Variants in SLC41A3 observed in about 807,000 individuals in gnomAD.
SLC41A3 encodes SLC41A1-like 2.
Under a neutral mutation model 45.4 loss-of-function variants are expected in SLC41A3, and 44 were observed. The ratio of observed to expected loss-of-function variants is 0.97; its 90% CI spans 0.76 to 1.25. The LOEUF (loss-of-function observed/expected upper bound fraction) is 1.25. Among genes scored for constraint, SLC41A3 ranks in the 50% most tolerant of loss-of-function variants. SLC41A3 has a pLI of 0.00. For missense variants in SLC41A3, 550 were observed against 600.6 expected, an observed-to-expected ratio of 0.92 and a Z score of 0.88; for synonymous variants, 256 against 252.4, an observed-to-expected ratio of 1.01 and a Z score of -0.13.
intron 1 of SLC41A3, among the ~76,000 whole-genome samples, chr3:126,082,452 C>T (rs1331480753): frequency 1.3e-5 from 2 of 152,178 alleles, no homozygotes; most frequent in Non-Finnish European, 2.9e-5. Context: ...GTGTGGAGGC[C>T]GAGAAACCCT....
chr3:126,010,523 G>T (rs549404481), intron 9 of SLC41A3, among the ~76,000 whole-genome samples: 3 of 152,216 alleles, frequency 2.0e-5, no homozygotes, highest in Non-Finnish European at 4.4e-5. Context: ...GGCCAGGAAA[G>T]GGGAAGCCCG....
chr3:126,081,120 A>G (rs940645772), intron 1 of SLC41A3, among the ~76,000 whole-genome samples: 1 of 152,250 alleles, frequency 6.6e-6, no homozygotes, highest in Non-Finnish European at 1.5e-5. Context: ...AAGTTTCCAT[A>G]CCAGATGAAA....
At chr3:126,050,862 C>A in intron 3 of SLC41A3, 81 bp downstream of exon 3, 1 of 1,492,270 alleles carries the variant, frequency 6.7e-7, no homozygotes. Context: ...AACCCACCGC[C>A]CACAAGCCAG....
chr3:126,081,416 A>G (rs576605644), intron 1 of SLC41A3, among the ~76,000 whole-genome samples: 2 of 152,250 alleles, frequency 1.3e-5, no homozygotes, highest in Non-Finnish European at 2.9e-5. Context: ...GATGGAAGAA[A>G]TAAGAAATCG....
chr3:126,065,966 G>A (rs1162646831), intron 2 of SLC41A3, among the ~76,000 whole-genome samples: 1 of 152,152 alleles, frequency 6.6e-6, no homozygotes, highest in East Asian at 1.9e-4. Flanking sequence ...GACCACAGCA[G>A]GCAGCAGCCC....
chr3:126,055,118 A>C (rs893697159), intron 2 of SLC41A3, among the ~76,000 whole-genome samples: 3 of 152,116 alleles, frequency 2.0e-5, no homozygotes, highest in African/African-American at 7.2e-5. Context: ...AAAGACTCTG[A>C]GTGGCCATTA....
At chr3:126,071,695 A>T (rs1000250942) in intron 1 of SLC41A3, among the ~76,000 whole-genome samples, 7 of 152,222 alleles carry the variant, frequency 4.6e-5, no homozygotes, top group African/African-American at 1.7e-4. Context: ...TATGTTTTCC[A>T]ACCACAACAA....
chr3:126,045,437 A>G (rs1485500089), intron 3 of SLC41A3, among the ~76,000 whole-genome samples: 3 of 152,066 alleles, frequency 2.0e-5, no homozygotes, highest in African/African-American at 7.2e-5. Context: ...ATAATTAAAA[A>G]TGAAAATGGG....
chr3:126,044,786 C>T (rs1942838638), intron 3 of SLC41A3, among the ~76,000 whole-genome samples: 1 of 149,850 alleles, frequency 6.7e-6, no homozygotes, highest in African/African-American at 2.5e-5. Flanking sequence ...GTCCCAGCTA[C>T]TCAGGAGGCT....
intron 4 of SLC41A3, among the ~76,000 whole-genome samples, chr3:126,030,804 A>G (rs1411666520): frequency 6.6e-6 from 1 of 152,214 alleles, no homozygotes; most frequent in African/African-American, 2.4e-5. Context: ...TAAAATTTAA[A>G]AAGTTGATAA....
At chr3:126,057,682 G>T (rs912851254) in intron 2 of SLC41A3, among the ~76,000 whole-genome samples, 1 of 152,122 alleles carries the variant, frequency 6.6e-6, no homozygotes, top group Non-Finnish European at 1.5e-5. Flanking sequence ...GGATCCTACC[G>T]GCCTCCCCAA....
intron 3 of SLC41A3, among the ~76,000 whole-genome samples, chr3:126,044,399 C>T (rs1358434390): frequency 2.6e-5 from 4 of 152,134 alleles, no homozygotes. Context: ...ATGAATACAA[C>T]AACCAGACAG....
intron 1 of SLC41A3, chr3:126,095,423 G>A: frequency 2.1e-6 from 1 of 487,022 alleles, no homozygotes; most frequent in East Asian, 3.5e-5. Flanking sequence ...AGGAAAGCGA[G>A]ACAGCCAGTC....
At chr3:126,039,768 T>C (rs773452011) in intron 3 of SLC41A3, among the ~76,000 whole-genome samples, 2 of 152,350 alleles carry the variant, frequency 1.3e-5, no homozygotes, top group East Asian at 1.9e-4. Context: ...TTTGAGGCTA[T>C]GCAAAGATCC....
At chr3:126,046,812 A>G (rs143127194) in intron 3 of SLC41A3, among the ~76,000 whole-genome samples, 6 of 151,996 alleles carry the variant, frequency 3.9e-5, no homozygotes, top group African/African-American at 1.4e-4. Context: ...AAATACAAAA[A>G]TTAGCCAGGC....
chr3:126,023,075 C>T, intron 5 of SLC41A3, 143 bp from the exon 6 acceptor site: 1 of 1,157,126 alleles, frequency 8.6e-7, no homozygotes, highest in Non-Finnish European at 1.2e-6. Flanking sequence ...TGCCTCCCTC[C>T]ACAAAGTCCT....
chr3:126,095,460 G>A (rs575950656), intron 1 of SLC41A3: 13 of 467,952 alleles, frequency 2.8e-5, no homozygotes, highest in African/African-American at 2.4e-4. Context: ...TAGTAGCTAC[G>A]ATAGTGATGA....
At chr3:126,088,356 G>A (rs1945433436), upstream of SLC41A3, among the ~76,000 whole-genome samples, 1 of 151,928 alleles carries the variant, frequency 6.6e-6, no homozygotes, top group Admixed American at 6.6e-5. Context: ...GGTAATCTTT[G>A]GTAAAAGTAA....
chr3:126,095,337 A>G, intron 1 of SLC41A3: 1 of 572,628 alleles, frequency 1.7e-6, no homozygotes, highest in Non-Finnish European at 3.1e-6. Flanking sequence ...CAACTGTCAC[A>G]AGCAACACCT....
Sources: gnomAD v4.1 joint callset for allele counts (sites outside exome capture counted in the v4.1 genomes callset) on GRCh38, gnomAD v4.1.1 for gene constraint, MANE v1.5 for transcripts, NCBI Gene and HGNC (gene_info 2026-07-23, HGNC 2026-07-21) for gene names.